URI1: variants seen among roughly 807,000 people sequenced by gnomAD.
URI1 encodes the protein unconventional prefoldin RPB5 interactor 1.
A neutral mutation model predicts 60.2 loss-of-function variants in URI1; 39 were observed. The observed-to-expected ratio is 0.65, with a 90% CI of 0.50 to 0.85. The LOEUF is 0.85. Ranked by LOEUF, URI1 falls within the 40% of genes least tolerant of loss-of-function variation. The pLI, the probability that URI1 is intolerant of heterozygous loss-of-function variation, is 0.00. For synonymous variants in URI1, 251 were observed against 236.8 expected, an observed-to-expected ratio of 1.06 and a Z score of -0.55; for missense variants, 691 against 665.9, an observed-to-expected ratio of 1.04 and a Z score of -0.42.
chr19:29,942,153 T>TC, upstream of URI1: 1 of 949,298 alleles, frequency 1.1e-6, no homozygotes, highest in Non-Finnish European at 1.3e-6. Context: ...TCAAGCGCAC[T>TC]CCCCTGGGGG....
intron 1 of URI1, among the ~76,000 whole-genome samples, chr19:29,924,758 G>A (rs1181561471): frequency 6.6e-6 from 1 of 152,222 alleles, no homozygotes; most frequent in Non-Finnish European, 1.5e-5. Flanking sequence ...GGGCTCCACT[G>A]CTCCCTAGGG....
chr19:29,944,883 A>T (rs1427736903), intron 1 of URI1, among the ~76,000 whole-genome samples: 1 of 152,216 alleles, frequency 6.6e-6, no homozygotes, highest in Non-Finnish European at 1.5e-5. Context: ...CAGGAAAACT[A>T]CCCAGTAAAT....
intron 1 of URI1, among the ~76,000 whole-genome samples, chr19:29,949,162 G>A (rs1487274817): frequency 6.7e-6 from 1 of 150,362 alleles, no homozygotes; most frequent in East Asian, 2.0e-4. Flanking sequence ...TGGGGCGGCT[G>A]TGGGGCAGAG....
intron 4 of URI1, among the ~76,000 whole-genome samples, chr19:29,990,321 TG>T (rs1485501453): frequency 6.6e-6 from 1 of 152,226 alleles, no homozygotes; most frequent in East Asian, 1.9e-4. Flanking sequence ...GAAGCCACTT[TG>T]GAGAACAGTT....
At chr19:29,938,831 C>G (rs994521274), upstream of URI1, among the ~76,000 whole-genome samples, 2 of 151,714 alleles carry the variant, frequency 1.3e-5, no homozygotes, top group Non-Finnish European at 2.9e-5. Flanking sequence ...TGACTGCCAC[C>G]ACACCTGGCT....
intron 8 of URI1, 79 bp from the exon 9 acceptor site, chr19:30,011,015 G>C (rs2056010522): frequency 6.8e-7 from 1 of 1,471,788 alleles, no homozygotes; most frequent in East Asian, 2.4e-5. Context: ...TATTTTTTTA[G>C]TTATAGAGTT....
Position 30,011,276 on chromosome 19 carries a change from T to C in URI1, c.1178+40T>C, listed in dbSNP as rs527325156. 65 of 1,552,068 alleles carry C rather than the reference T, an allele frequency of 4.2e-5. No individual in the cohort carries two copies. In the South Asian group the frequency reaches 7.3e-4, roughly 17 times the overall value. On this transcript the variant is annotated intron_variant, in intron 9 of 10. Transcript: ENST00000392271. ...CAGCTGCAGGGCAGTCTGCTGGGCTTGCCTCTCTTTCTGCCACTGAACCTT... is the reference window on the plus strand; with the variant it reads ...CAGCTGCAGGGCAGTCTGCTGGGCTCGCCTCTCTTTCTGCCACTGAACCTT...
chr19:29,998,863 T>G (rs1379592677), intron 4 of URI1, among the ~76,000 whole-genome samples: 1 of 152,110 alleles, frequency 6.6e-6, no homozygotes, highest in East Asian at 1.9e-4. Context: ...TTCTGCATGT[T>G]TTATAGCTTT....
At chr19:29,923,718 A>G (rs1183985647) in exon 1 of URI1, 1 of 1,536,640 alleles carries the variant, frequency 6.5e-7, no homozygotes, top group African/African-American at 1.4e-5. Flanking sequence ...CCCTTCAAGG[A>G]AGCCACGTTT....
chr19:29,941,742 A>G (rs1448548454), upstream of URI1, among the ~76,000 whole-genome samples: 2 of 152,220 alleles, frequency 1.3e-5, no homozygotes, highest in East Asian at 3.8e-4. Context: ...GAGAAAATAC[A>G]ATGTGTACAG....
chr19:29,963,474 CTAT>C (rs1217364626), intron 1 of URI1, among the ~76,000 whole-genome samples: 1 of 152,076 alleles, frequency 6.6e-6, no homozygotes, highest in Non-Finnish European at 1.5e-5. Flanking sequence ...GTGAAAATTG[CTAT>C]TTTTAAAATA....
At chr19:30,013,143 G>C (rs1057293035) in intron 10 of URI1, among the ~76,000 whole-genome samples, 4 of 152,188 alleles carry the variant, frequency 2.6e-5, no homozygotes, top group African/African-American at 7.2e-5. Context: ...AAGGATGTCT[G>C]TGAAATATAA....
intron 4 of URI1, among the ~76,000 whole-genome samples, chr19:29,996,254 T>G (rs1026276400): frequency 6.6e-6 from 1 of 152,172 alleles, no homozygotes; most frequent in Admixed American, 6.5e-5. Flanking sequence ...GGATATCTAT[T>G]TATTTGTGTC....
Position 29,989,209 on chromosome 19 carries a change from C to T in URI1, c.367+2792C>T, listed in dbSNP as rs535947567. The stretch of plus-strand genomic sequence containing the variant: ...CACTGCAACCTTAGCCTCCGAGGTT[C>T]GAGCAATTCTCCTGCCTCAGCCTCC... On this transcript the variant is annotated intron_variant, in intron 4 of 10. Coordinates refer to ENST00000392271, the MANE Select transcript of URI1 (RefSeq NM_003796.3). Among the ~76,000 whole-genome samples the T allele has an allele frequency of 2.0e-5, 3 of 151,016 alleles. No individual in the cohort carries two copies. In the South Asian group the frequency reaches 6.3e-4, roughly 32 times the overall value.
At chr19:29,963,532 TTA>T (rs2055352537) in intron 1 of URI1, among the ~76,000 whole-genome samples, 2 of 152,140 alleles carry the variant, frequency 1.3e-5, no homozygotes, top group African/African-American at 4.8e-5. Context: ...ATATTAATCA[TTA>T]TGTTTGTTAA....
At chr19:29,982,410 GT>G (rs201863135) in intron 2 of URI1, among the ~76,000 whole-genome samples, 3 of 150,828 alleles carry the variant, frequency 2.0e-5, no homozygotes, top group African/African-American at 7.3e-5. Flanking sequence ...TGAGGAAGTT[GT>G]TTTTTTTTCT....
chr19:29,926,997 G>C (rs2054873882), intron 1 of URI1, among the ~76,000 whole-genome samples: 2 of 152,170 alleles, frequency 1.3e-5, no homozygotes, highest in Admixed American at 6.5e-5. Flanking sequence ...CCAGCTTGTG[G>C]GGGCCGTGGA....
At chr19:29,949,399 G>A (rs925961721) in intron 1 of URI1, among the ~76,000 whole-genome samples, 1 of 151,832 alleles carries the variant, frequency 6.6e-6, no homozygotes, top group Non-Finnish European at 1.5e-5. Flanking sequence ...GATGGCGGCC[G>A]GGAAGAGGCG....
At chr19:29,934,128 G>T (rs1433633104) in intron 1 of URI1, among the ~76,000 whole-genome samples, 1 of 151,696 alleles carries the variant, frequency 6.6e-6, no homozygotes, top group East Asian at 2.0e-4. Flanking sequence ...AAGAGACGGG[G>T]TTTCACCATG....
Sources: gnomAD v4.1 joint callset for allele counts (sites outside exome capture counted in the v4.1 genomes callset) on GRCh38, gnomAD v4.1.1 for gene constraint, MANE v1.5 for transcripts, NCBI Gene and HGNC (gene_info 2026-07-23, HGNC 2026-07-21) for gene names.